The following CCDC171 variants were observed in gnomAD, a reference collection of about 807,000 sequenced individuals.
The protein encoded by CCDC171 is coiled-coil domain containing 171.
In CCDC171, 177 loss-of-function variants were observed where a neutral mutation model predicts 168.2. The observed-to-expected ratio is 1.05, with a 90% confidence interval of 0.93 to 1.19. The LOEUF is 1.19. Ranked by LOEUF, CCDC171 falls within the 50% of genes most tolerant of loss-of-function variation. The pLI, the probability that CCDC171 is intolerant of heterozygous loss-of-function variation, is 0.00. For missense variants in CCDC171, 1,991 were observed against 1,539.0 expected, an observed-to-expected ratio of 1.29 and a Z score of -4.91; for synonymous variants, 687 against 540.8, an observed-to-expected ratio of 1.27 and a Z score of -3.75.
chr9:15,572,654 T>C (rs2040324892), intron 3 of CCDC171, among the ~76,000 whole-genome samples: 1 of 152,244 alleles, frequency 6.6e-6, no homozygotes. Context: ...AACCTTTTAA[T>C]GTCTCTCTAA....
chr9:15,832,309 T>C (rs562755441), intron 21 of CCDC171, among the ~76,000 whole-genome samples: 1 of 152,318 alleles, frequency 6.6e-6, no homozygotes, highest in African/African-American at 2.4e-5. Flanking sequence ...TTAAATGAGG[T>C]TACATTTTCA....
chr9:15,861,681 A>G (rs1449246793), intron 23 of CCDC171, among the ~76,000 whole-genome samples: 1 of 72,540 alleles, frequency 1.4e-5, no homozygotes, highest in East Asian at 5.5e-4. Context: ...ACAATTTACT[A>G]TATGGTGTAT....
chr9:15,653,152 A>G lies in CCDC171; in HGVS notation c.823-3975A>G, dbSNP rs547000150. 5.1e-4 allele frequency among the ~76,000 whole-genome samples: 77 copies of G among 152,118 alleles called. 1 individual carries two copies. Among genetic ancestry groups the G allele is most frequent in the African/African-American group, 1.6e-3 (68 of 41,436 alleles). ...TCATTGTGAAAATATATACCTATAT[A>G]TTTTTAGCTGGGGTCTCGTTCCTCT... is the stretch of plus-strand genomic sequence containing the variant. On this transcript the variant is annotated intron_variant, in intron 7 of 25. Transcript: ENST00000380701.
At chr9:16,065,527 A>G (rs1010600338), downstream of CCDC171, among the ~76,000 whole-genome samples, 1 of 152,208 alleles carries the variant, frequency 6.6e-6, no homozygotes, top group African/African-American at 2.4e-5. Context: ...GCTGAAGTGG[A>G]GGAAGAGTTA....
At chr9:15,850,807 C>T (rs2061093119) in intron 23 of CCDC171, among the ~76,000 whole-genome samples, 1 of 151,930 alleles carries the variant, frequency 6.6e-6, no homozygotes, top group African/African-American at 2.4e-5. Context: ...TGGCATTTTG[C>T]TGTCTTTGAT....
intron 4 of CCDC171, chr9:15,587,698 G>A (rs1190966137): frequency 2.2e-6 from 1 of 456,436 alleles, no homozygotes; most frequent in South Asian, 1.6e-5. Context: ...TAGGTGGTGG[G>A]TATATTAGTG....
At chr9:15,854,233 C>A (rs1359902703) in intron 23 of CCDC171, among the ~76,000 whole-genome samples, 2 of 150,992 alleles carry the variant, frequency 1.3e-5, no homozygotes, top group Non-Finnish European at 3.0e-5. Flanking sequence ...TGGGCCTGGA[C>A]TTTTCTTATC....
chr9:15,951,255 G>A (rs2987074), intron 25 of CCDC171, among the ~76,000 whole-genome samples: 116,790 of 142,380 alleles, frequency 0.82, 48,260 homozygotes, highest in East Asian at 0.96. Flanking sequence ...AATTGAACTC[G>A]GCTCTGCACC....
chr9:15,560,783 C>T (rs952582189), intron 1 of CCDC171, among the ~76,000 whole-genome samples: 1 of 152,096 alleles, frequency 6.6e-6, no homozygotes, highest in South Asian at 2.1e-4. Context: ...TGGTGAGGAG[C>T]TGCGTTCTTT....
At chr9:15,887,510 T>G (rs1191030121) in intron 24 of CCDC171, among the ~76,000 whole-genome samples, 4 of 152,098 alleles carry the variant, frequency 2.6e-5, no homozygotes, top group Admixed American at 2.0e-4. Context: ...CATATAAAAT[T>G]TTAAGGTATT....
At chr9:16,058,492 CA>C (rs901577064) in intron 1 of CCDC171, among the ~76,000 whole-genome samples, 5 of 152,240 alleles carry the variant, frequency 3.3e-5, no homozygotes, top group Admixed American at 3.3e-4. Context: ...AGATTCTCCA[CA>C]CGGGGGCCTG....
At chr9:15,758,879 G>T (rs140446232) in intron 18 of CCDC171, among the ~76,000 whole-genome samples, 1,966 of 152,240 alleles carry the variant, frequency 0.013, 50 homozygotes, top group African/African-American at 0.044. Context: ...CCATGATTGT[G>T]AGGCTTCCCC....
chr9:15,860,936 A>ATGTGTGTGTGTGTGTG (rs770617574), intron 23 of CCDC171, among the ~76,000 whole-genome samples: 17,944 of 144,060 alleles, frequency 0.12, 1,411 homozygotes, highest in African/African-American at 0.19. Flanking sequence ...GTTGTTAGGG[A>ATGTGTGTGTGTGTGTG]TGTGTGTGTG....
chr9:15,732,685 T>C (rs188309090), intron 16 of CCDC171, among the ~76,000 whole-genome samples: 51 of 152,308 alleles, frequency 3.3e-4, no homozygotes, highest in Non-Finnish European at 6.2e-4. Context: ...TTTATCCAAA[T>C]ACTTGCTGAT....
intron 1 of CCDC171, among the ~76,000 whole-genome samples, chr9:16,052,678 C>T (rs996682528): frequency 4.6e-5 from 7 of 151,934 alleles, no homozygotes; most frequent in East Asian, 3.9e-4. Context: ...TTGTAGAGTC[C>T]GCCCTCTATT....
At chr9:15,778,665 A>AAAT (rs1483818571) in intron 19 of CCDC171, among the ~76,000 whole-genome samples, 12 of 150,086 alleles carry the variant, frequency 8.0e-5, no homozygotes, top group Non-Finnish European at 1.5e-4. Context: ...AAAAAAAAAA[A>AAAT]GGCATGACAT....
At chr9:15,901,549 C>G (rs911017467) in intron 24 of CCDC171, among the ~76,000 whole-genome samples, 2 of 152,152 alleles carry the variant, frequency 1.3e-5, no homozygotes, top group African/African-American at 4.8e-5. Flanking sequence ...TAAAATCTAT[C>G]TGTGGACATC....
chr9:15,715,926 G>T (rs929857491), intron 11 of CCDC171, among the ~76,000 whole-genome samples: 2 of 152,208 alleles, frequency 1.3e-5, no homozygotes, highest in South Asian at 2.1e-4. Flanking sequence ...ACCTCCTCCT[G>T]TGGGCTACTA....
intron 6 of CCDC171, among the ~76,000 whole-genome samples, chr9:16,029,092 C>T (rs1833324979): frequency 1.3e-5 from 2 of 151,872 alleles, no homozygotes; most frequent in South Asian, 2.1e-4. Flanking sequence ...GGCGCTGGGT[C>T]GAGAAAGTTT....
Sources: allele counts gnomAD v4.1 joint callset (sites outside exome capture counted in the v4.1 genomes callset), GRCh38; gene constraint gnomAD v4.1.1; transcripts MANE v1.5; gene names NCBI Gene and HGNC (gene_info 2026-07-23, HGNC 2026-07-21).